Variants in PRDM15 observed in about 807,000 individuals in gnomAD.
The protein encoded by PRDM15 is PR domain zinc finger protein 15.
A neutral mutation model predicts 128.6 loss-of-function variants in PRDM15; 64 were observed. The observed-to-expected ratio is 0.50, with a 90% CI of 0.41 to 0.61. PRDM15 has a LOEUF of 0.61. Ranked by LOEUF, PRDM15 falls within the 20% of genes least tolerant of loss-of-function variation. PRDM15 has a pLI of 0.00. For synonymous variants in PRDM15, 615 were observed against 621.8 expected, an observed-to-expected ratio of 0.99 and a Z score of 0.16; for missense variants, 1,242 against 1,569.1, an observed-to-expected ratio of 0.79 and a Z score of 3.52.
At chr21:41,816,290 C>T (rs1482940777) in intron 18 of PRDM15, among the ~76,000 whole-genome samples, 2 of 152,342 alleles carry the variant, frequency 1.3e-5, no homozygotes, top group East Asian at 3.9e-4. Context: ...AGCTGAAATA[C>T]TCCAAAGCCT....
chr21:41,859,150 G>C lies in PRDM15; in HGVS notation c.131+442C>G. The C allele has an allele frequency of 6.2e-7, 1 of 1,613,696 alleles. No individual in the cohort carries two copies. Among genetic ancestry groups the C allele is most frequent in the South Asian group, 1.1e-5 (1 of 90,958 alleles). ...GGACTGCTTCTGGAAGCTGCTGTGG[G>C]TCAGCCCTGTCCCTGTCCTCATAAC... On this transcript the variant is annotated intron_variant, in intron 3 of 23. Transcript: ENST00000398548. The surrounding 1 kb of genome is among the most constrained non-coding windows in gnomAD (Gnocchi z 5.3).
intron 14 of PRDM15, chr21:41,823,103 C>A: frequency 1.7e-6 from 1 of 604,760 alleles, no homozygotes; most frequent in Non-Finnish European, 3.0e-6. Flanking sequence ...CATGTGAGGA[C>A]ACAGTGAGAA....
chr21:41,827,580 G>A (rs151243105), intron 12 of PRDM15, among the ~76,000 whole-genome samples: 6 of 152,272 alleles, frequency 3.9e-5, no homozygotes, highest in Non-Finnish European at 7.4e-5. Flanking sequence ...GGCCTCAAGC[G>A]ATCCTCCAGC....
rs564281668 is a variant in PRDM15, at chr21:41,828,455, G to A, written c.1367-122C>T. 305 of 978,468 alleles carry A rather than the reference G, an allele frequency of 3.1e-4. 1 individual carries two copies. The highest frequency in any genetic ancestry group is 1.9e-3 in the Middle Eastern group (9 of 4,738). The allele number at this position is 978,468 out of a possible 1,614,324, so 60.6% of individuals were successfully genotyped here. ...ACGGGCATGAGAGTCACGGGGATGCGTGGCCAGGAAGAAAACAGCACCTGT... is the reference window on the plus strand; with the variant it reads ...ACGGGCATGAGAGTCACGGGGATGCATGGCCAGGAAGAAAACAGCACCTGT... On this transcript the variant is annotated intron_variant, in intron 11 of 23. Coordinates refer to ENST00000398548, the MANE Select transcript of PRDM15 (RefSeq NM_001040424.3). This position sits in a 1 kb window ranked among gnomAD's most constrained non-coding sequence, Gnocchi z 5.7.
At chr21:41,803,059 C>T in intron 22 of PRDM15, 138 bp from the exon 23 acceptor site, 2 of 707,202 alleles carry the variant, frequency 2.8e-6, no homozygotes, top group South Asian at 3.1e-5. Flanking sequence ...CCACAAGAAA[C>T]AGTGACCACA....
In PRDM15 at chr21:41,821,363, G is replaced by A. The variant is rs2062256671; in HGVS notation, c.1897-133C>T. 1 of 1,074,962 alleles carries A rather than the reference G, an allele frequency of 9.3e-7. No homozygotes were observed. The highest frequency in any genetic ancestry group is 1.5e-5 in the South Asian group (1 of 66,654). The allele number at this position is 1,074,962 out of a possible 1,614,324, so 66.6% of individuals were successfully genotyped here. On this transcript the variant is annotated intron_variant, in intron 15 of 23. Coordinates refer to ENST00000398548, the MANE Select transcript of PRDM15 (RefSeq NM_001040424.3). The surrounding 1 kb of genome is among the most constrained non-coding windows in gnomAD (Gnocchi z 5.4). ...CCCATGACTCATGCCAGGGTGGAAGGGACTCTCAGAGGCTTGATGGGGAAC... is the reference window on the plus strand; with the variant it reads ...CCCATGACTCATGCCAGGGTGGAAGAGACTCTCAGAGGCTTGATGGGGAAC...
At position 41,837,989 on chromosome 21, in the gene PRDM15, C is replaced by G; in HGVS notation, c.946G>C (p.Glu316Gln). Residue 316 changes from glutamate (E) to glutamine (Q), a missense_variant, in exon 8 of 24, where the codon GAG (glutamate) becomes CAG (glutamine). Physicochemically the swap from Glu to Gln is conservative, Grantham distance 29. Transcript: ENST00000398548. ...VSATPDERIM[E>Q]LVLGKLATTT... ...GTGGCCAGCTTCCCCAGAACCAGCTCCATGATCCGCTCATCTGGCGTTGCA... is the reference window on the plus strand; with the variant it reads ...GTGGCCAGCTTCCCCAGAACCAGCTGCATGATCCGCTCATCTGGCGTTGCA... The G allele has an allele frequency of 1.2e-6, 2 of 1,614,226 alleles. No individual in the cohort carries two copies. Among genetic ancestry groups the G allele is most frequent in the Non-Finnish European group, 1.7e-6 (2 of 1,180,038 alleles).
intron 19 of PRDM15, chr21:41,814,663 T>C (rs1459394787): frequency 2.0e-5 from 3 of 149,990 alleles, no homozygotes; most frequent in Non-Finnish European, 4.3e-5. Context: ...TTGCGCAGGG[T>C]GCTCTAGTGT....
Position 41,800,964 on chromosome 21 carries a change from A to G in PRDM15, c.*276T>C, listed in dbSNP as rs993355524. On this transcript the variant is annotated 3_prime_UTR_variant, in exon 24 of 24. Coordinates refer to ENST00000398548, the MANE Select transcript of PRDM15 (RefSeq NM_001040424.3). ...GGGCGAACACTGGTTCTGTAAGGGG[A>G]GGCAGATGCGGCCCCGGCCCAGGAC... The G allele has an allele frequency of 5.3e-6, 2 of 375,384 alleles. No individual in the cohort carries two copies. Among genetic ancestry groups the G allele is most frequent in the South Asian group, 1.2e-4 (1 of 8,500 alleles). 23.3% of individuals were successfully genotyped at this position (375,384 alleles called of 1,614,324 possible).
At position 41,879,286 on chromosome 21, in the gene PRDM15, C is replaced by T; in HGVS notation, c.-26G>A. Reference sequence around the variant, plus strand: ...GAGCTTTACCTGCCTTTGGAATGTGCAGAGCGGGATCGGATCCGGACTCCG... The same window carrying T: ...GAGCTTTACCTGCCTTTGGAATGTGTAGAGCGGGATCGGATCCGGACTCCG... On this transcript the variant is annotated 5_prime_UTR_variant, in exon 1 of 24. Transcript: ENST00000398548. The surrounding 1 kb of genome is among the most constrained non-coding windows in gnomAD (Gnocchi z 5.1). 1 of 1,070,696 alleles carries T rather than the reference C, an allele frequency of 9.3e-7. No individual in the cohort carries two copies. The allele number at this position is 1,070,696 out of a possible 1,614,324, so 66.3% of individuals were successfully genotyped here.
At chr21:41,852,837 G>A (rs548750773) in intron 5 of PRDM15, among the ~76,000 whole-genome samples, 2 of 152,300 alleles carry the variant, frequency 1.3e-5, no homozygotes, top group Admixed American at 6.5e-5. Context: ...ACCACCTTTG[G>A]GAGAGGATGT....
At chr21:41,872,358 C>T (rs1480562423) in intron 1 of PRDM15, among the ~76,000 whole-genome samples, 1 of 152,186 alleles carries the variant, frequency 6.6e-6, no homozygotes, top group Non-Finnish European at 1.5e-5. Flanking sequence ...TTCCCCTCCC[C>T]TCATTTCCCA....
intron 1 of PRDM15, chr21:41,878,738 C>A: frequency 7.0e-6 from 11 of 1,568,644 alleles, no homozygotes; most frequent in Middle Eastern, 1.7e-4. Context: ...GTCCAGGGAC[C>A]CCCCCGTGCG....
chr21:41,852,792 G>T (rs1241517883), intron 5 of PRDM15, among the ~76,000 whole-genome samples: 2 of 152,174 alleles, frequency 1.3e-5, no homozygotes, highest in African/African-American at 4.8e-5. Context: ...CCCATAGTGG[G>T]TTCAATAGTG....
rs1201499470 is a variant in PRDM15, at chr21:41,862,673, C to A, written c.-9-2301G>T. 6.6e-6 allele frequency among the ~76,000 whole-genome samples: 1 copy of A among 152,164 alleles called. No individual in the cohort carries two copies. The highest frequency in any genetic ancestry group is 1.5e-5 in the Non-Finnish European group (1 of 68,030). On this transcript the variant is annotated intron_variant, in intron 1 of 23. Transcript: ENST00000398548. The surrounding 1 kb of genome is among the most constrained non-coding windows in gnomAD (Gnocchi z 4.1). ...CTGGGCCCAAGATCAGAGGCCACAG[C>A]CACCCTGGGCTGCAGATCAGGCCTG...
In PRDM15 at chr21:41,862,148, C is replaced by G. The variant is rs2063836455; in HGVS notation, c.-9-1776G>C. 3.0e-6 allele frequency: 2 copies of G among 667,894 alleles called. No individual in the cohort carries two copies. Among genetic ancestry groups the G allele is most frequent in the Non-Finnish European group, 5.4e-6 (2 of 371,474 alleles). The allele number at this position is 667,894 out of a possible 1,614,324, so 41.4% of individuals were successfully genotyped here. On this transcript the variant is annotated intron_variant, in intron 1 of 23. Coordinates refer to ENST00000398548, the MANE Select transcript of PRDM15 (RefSeq NM_001040424.3). This position sits in a 1 kb window ranked among gnomAD's most constrained non-coding sequence, Gnocchi z 4.1. Reference sequence around the variant, plus strand: ...GGGCGCACGCTTTCATGAGTTGCTGCTGTGCTACTGGAGGTGTAGGACCTG... The same window carrying G: ...GGGCGCACGCTTTCATGAGTTGCTGGTGTGCTACTGGAGGTGTAGGACCTG...
chr21:41,835,330 A>C, intron 11 of PRDM15, 107 bp downstream of exon 11: 1 of 883,754 alleles, frequency 1.1e-6, no homozygotes. Context: ...GAGGCTGTCT[A>C]TTCATGAAAA....
Position 41,799,402 on chromosome 21 carries a change from C to T in PRDM15, c.*1838G>A, listed in dbSNP as rs1432661097. The T allele has an allele frequency of 6.6e-6, 1 of 152,166 alleles. No individual in the cohort carries two copies. Among genetic ancestry groups the T allele is most frequent in the Non-Finnish European group, 1.5e-5 (1 of 68,020 alleles). 9.4% of individuals were successfully genotyped at this position (152,166 alleles called of 1,614,324 possible). A position where few individuals can be genotyped will look rare whatever the true frequency, so the allele number is the denominator to read the frequency against. On this transcript the variant is annotated 3_prime_UTR_variant, in exon 24 of 24. Transcript: ENST00000398548. Reference sequence around the variant, plus strand: ...TTTGATGAGACTACTATGTATAAAACAGTTAATTATATACATAAATAACAT... The same window carrying T: ...TTTGATGAGACTACTATGTATAAAATAGTTAATTATATACATAAATAACAT...
chr21:41,869,870 AC>A (rs1226150110), intron 1 of PRDM15, among the ~76,000 whole-genome samples: 1 of 152,244 alleles, frequency 6.6e-6, no homozygotes, highest in Non-Finnish European at 1.5e-5. Context: ...TGGCCTCGGC[AC>A]TGCTGACTGG....
Sources: allele counts gnomAD v4.1 joint callset (sites outside exome capture counted in the v4.1 genomes callset), GRCh38; gene constraint gnomAD v4.1.1; non-coding constraint Gnocchi (gnomAD v3.1); transcripts MANE v1.5; gene names NCBI Gene and HGNC (gene_info 2026-07-23, HGNC 2026-07-21).